The following GLOD5 variants were observed in gnomAD, a reference collection of about 807,000 sequenced individuals.
GLOD5 encodes the protein glyoxalase domain containing 5.
GLOD5 carries 7 observed loss-of-function variants against 9.9 expected under a neutral mutation model. The ratio of observed to expected loss-of-function variants is 0.71; its 90% CI spans 0.40 to 1.33. The LOEUF (loss-of-function observed/expected upper bound fraction) is 1.33, where lower values mean the gene tolerates loss of function less well. Among genes scored for constraint, GLOD5 ranks in the 40% most tolerant of loss-of-function variants. The probability of loss-of-function intolerance (pLI) is 0.01; values close to 1 mark genes in which losing one functional copy is unlikely to be tolerated. For synonymous variants in GLOD5, 49 were observed against 47.3 expected (o/e 1.04, Z -0.14); for missense variants, 146 against 128.4 (o/e 1.14, Z -0.66).
chrX:48,769,574 T>C (rs923684655), intron 2 of GLOD5, among the ~76,000 whole-genome samples: 19 of 111,117 alleles, frequency 1.7e-4, no homozygotes, highest in African/African-American at 5.9e-4. Flanking sequence ...TAGTTAAAAA[T>C]TGTTAAGGAG....
In GLOD5 at chrX:48,761,794, C is replaced by T; in HGVS notation, c.4C>T (p.Leu2=). The T allele has an allele frequency of 8.6e-7, 1 of 1,165,738 alleles. No homozygotes were observed. Among genetic ancestry groups the T allele is most frequent in the Admixed American group, 2.6e-5 (1 of 38,641 alleles). ...GGGCAAAGACGCCTACCCTGCCATGCTGCGCCATCTGCCCTCCAGGCTGCC... is the reference window on the plus strand; with the variant it reads ...GGGCAAAGACGCCTACCCTGCCATGTTGCGCCATCTGCCCTCCAGGCTGCC... M[L]RHLPSRLPVK... is the part of the protein sequence containing the mutation. The change falls in exon 1 of 4, where the codon CTG becomes TTG. Residue 2 remains leucine (L), a synonymous_variant. Transcript: ENST00000303227.
At chrX:48,771,618 A>G (rs1329687054) in intron 3 of GLOD5, among the ~76,000 whole-genome samples, 1 of 112,000 alleles carries the variant, frequency 8.9e-6, no homozygotes, top group Non-Finnish European at 1.9e-5. Flanking sequence ...GCCCAGCCCT[A>G]AATACATTTA....
At chrX:48,766,985 C>CAAAAAAAAAAAAAAAAAAAAAAAA (rs782648787) in intron 2 of GLOD5, among the ~76,000 whole-genome samples, 98 of 3,020 alleles carry the variant, frequency 0.032, 43 homozygotes, top group Non-Finnish European at 0.036. Flanking sequence ...GATTCCATCT[C>CAAAAAAAAAAAAAAAAAAAAAAAA]AAAAAAAAAA....
At chrX:48,768,647 A>T (rs2062614733) in intron 2 of GLOD5, among the ~76,000 whole-genome samples, 1 of 112,192 alleles carries the variant, frequency 8.9e-6, no homozygotes, top group Non-Finnish European at 1.9e-5. Context: ...TTTGGGGAAG[A>T]CAATGAAGCA....
chrX:48,769,252 C>T (rs1458755158), intron 2 of GLOD5, among the ~76,000 whole-genome samples: 2 of 109,334 alleles, frequency 1.8e-5, no homozygotes, highest in African/African-American at 6.7e-5. Context: ...GCCTGCAATC[C>T]CAACACTTTG....
chrX:48,771,745 C>A (rs1343350404), intron 3 of GLOD5, among the ~76,000 whole-genome samples: 1 of 112,117 alleles, frequency 8.9e-6, no homozygotes, highest in Non-Finnish European at 1.9e-5. Flanking sequence ...TAGATTCTAG[C>A]CACTTCCGTT....
chrX:48,761,785 C>A lies in GLOD5; in HGVS notation c.-6C>A, dbSNP rs1557016031. The A allele has an allele frequency of 8.6e-7, 1 of 1,164,889 alleles. No individual in the cohort carries two copies. The highest frequency in any genetic ancestry group is 1.8e-5 in the African/African-American group (1 of 56,218). On this transcript the variant is annotated 5_prime_UTR_variant, in exon 1 of 4. Coordinates refer to ENST00000303227, the MANE Select transcript of GLOD5 (RefSeq NM_001080489.3). ...GAGGACCCTGGGCAAAGACGCCTACCCTGCCATGCTGCGCCATCTGCCCTC... is the reference window on the plus strand; with the variant it reads ...GAGGACCCTGGGCAAAGACGCCTACACTGCCATGCTGCGCCATCTGCCCTC...
intron 2 of GLOD5, 30 bp downstream of exon 2, chrX:48,766,002 G>A: frequency 8.4e-7 from 1 of 1,184,893 alleles, no homozygotes; most frequent in Non-Finnish European, 1.1e-6. Flanking sequence ...CCAAAATTCA[G>A]GTGGGCTAAA....
chrX:48,768,986 C>T (rs781984497), intron 2 of GLOD5, among the ~76,000 whole-genome samples: 1 of 105,007 alleles, frequency 9.5e-6, no homozygotes, highest in Admixed American at 1.0e-4. Context: ...GCTGAGATCT[C>T]GCCACTGCAC....
At chrX:48,764,436 T>A (rs1028342184) in intron 1 of GLOD5, among the ~76,000 whole-genome samples, 3 of 111,810 alleles carry the variant, frequency 2.7e-5, no homozygotes, top group South Asian at 3.7e-4. Flanking sequence ...AGTACTTTTT[T>A]AAAACTCTCA....
intron 1 of GLOD5, among the ~76,000 whole-genome samples, chrX:48,764,500 G>C (rs1484867651): frequency 9.1e-6 from 1 of 109,475 alleles, no homozygotes; most frequent in Non-Finnish European, 1.9e-5. Context: ...GGAAACCAAG[G>C]CACAGATAAA....
intron 1 of GLOD5, chrX:48,765,592 A>G (rs1557016555): frequency 2.7e-6 from 1 of 373,001 alleles, no homozygotes; most frequent in Admixed American, 3.3e-5. Context: ...AAAAAAAAAA[A>G]AAAAAAAAAA....
At chrX:48,768,013 T>C (rs189657248) in intron 2 of GLOD5, among the ~76,000 whole-genome samples, 77 of 111,807 alleles carry the variant, frequency 6.9e-4, no homozygotes, top group African/African-American at 2.4e-3. Flanking sequence ...TTGCCTAGGC[T>C]GGAGTATACT....
intron 1 of GLOD5, 70 bp from the exon 2 acceptor site, chrX:48,765,765 T>A (rs1397413089): frequency 1.8e-6 from 2 of 1,108,828 alleles, no homozygotes; most frequent in African/African-American, 3.7e-5. Flanking sequence ...TAGGGGGAGG[T>A]GAGGAGAAGA....
chrX:48,771,143 T>C, intron 3 of GLOD5, 61 bp downstream of exon 3: 1 of 966,601 alleles, frequency 1.0e-6, no homozygotes. Flanking sequence ...AACAGAAGAA[T>C]GACCCAGAGA....
chrX:48,772,770 T>C (rs1197263231), intron 3 of GLOD5, among the ~76,000 whole-genome samples: 1 of 110,273 alleles, frequency 9.1e-6, no homozygotes, highest in Non-Finnish European at 1.9e-5. Flanking sequence ...TAGGTACTAT[T>C]ATCCTTCCCA....
intron 1 of GLOD5, 117 bp from the exon 2 acceptor site, chrX:48,765,718 G>A (rs782406386): frequency 1.2e-6 from 1 of 830,795 alleles, no homozygotes; most frequent in Non-Finnish European, 1.8e-6. Context: ...CTTTCCCCTT[G>A]AAGGGGGGTG....
At position 48,773,519 on chromosome X, in the gene GLOD5, T is replaced by C. The variant is rs992198462; in HGVS notation, c.*84T>C. ...GCAAACCCCCACCCAGGCCCAGAGA[T>C]CTCCAAAGACTGAGGACTTAGGCAC... On this transcript the variant is annotated 3_prime_UTR_variant, in exon 4 of 4. Transcript: ENST00000303227. The C allele has an allele frequency of 7.6e-6, 8 of 1,058,878 alleles. No individual in the cohort carries two copies. The highest frequency in any genetic ancestry group is 2.7e-4 in the Middle Eastern group (1 of 3,767). 87.3% of individuals were successfully genotyped at this position (1,058,878 alleles called of 1,213,427 possible). A position where few individuals can be genotyped will look rare whatever the true frequency, so the allele number is the denominator to read the frequency against.
chrX:48,771,003 C>A lies in GLOD5; in HGVS notation c.278C>A (p.Ala93Asp). ...GTGGGAAAGGAATTTGAACCCAAAG[C>A]CGCTCACCCAGTTCCTGGCTCCCTG... is the stretch of plus-strand genomic sequence containing the variant. ...HEVGKEFEPK[A>D]AHPVPGSLDI... Residue 93 changes from alanine to aspartate, a missense_variant, in exon 3 of 4, where the codon GCC (alanine) becomes GAC (aspartate). Ala to Asp is a moderately radical substitution (Grantham distance 126, BLOSUM62 -2). Coordinates refer to ENST00000303227, the MANE Select transcript of GLOD5 (RefSeq NM_001080489.3). 1 of 1,202,413 alleles carries A rather than the reference C, an allele frequency of 8.3e-7. No individual in the cohort carries two copies. Among genetic ancestry groups the A allele is most frequent in the Admixed American group, 2.2e-5 (1 of 45,363 alleles).
Sources: gnomAD v4.1 joint callset for allele counts (sites outside exome capture counted in the v4.1 genomes callset) on GRCh38, gnomAD v4.1.1 for gene constraint, MANE v1.5 for transcripts, NCBI Gene and HGNC (gene_info 2026-07-23, HGNC 2026-07-21) for gene names.